The following FSD1L variants were observed in gnomAD, a reference collection of about 807,000 sequenced individuals.
FSD1L encodes FSD1-like protein.
FSD1L carries 45 observed loss-of-function variants against 71.6 expected under a neutral mutation model. That is an observed-to-expected ratio of 0.63 (90% confidence interval 0.49 to 0.81). The LOEUF is 0.81. Among genes scored for constraint, FSD1L ranks in the 30% least tolerant of loss-of-function variants. The pLI, the probability that FSD1L is intolerant of heterozygous loss-of-function variation, is 0.00. For missense variants in FSD1L, 561 were observed against 618.1 expected, an observed-to-expected ratio of 0.91 and a Z score of 0.98; for synonymous variants, 197 against 207.2, an observed-to-expected ratio of 0.95 and a Z score of 0.42.
intron 4 of FSD1L, among the ~76,000 whole-genome samples, chr9:105,470,049 T>A (rs75346802): frequency 0.011 from 1,657 of 152,068 alleles, 35 homozygotes; most frequent in African/African-American, 0.039. Flanking sequence ...TTAGTACCTA[T>A]GTCAGAGATC....
At chr9:105,518,839 C>T (rs1834911754) in intron 10 of FSD1L, among the ~76,000 whole-genome samples, 1 of 151,956 alleles carries the variant, frequency 6.6e-6, no homozygotes, top group South Asian at 2.1e-4. Context: ...GATAGAGACA[C>T]TAAAAACCTT....
At chr9:105,505,815 C>T (rs987459899) in intron 7 of FSD1L, among the ~76,000 whole-genome samples, 12 of 152,292 alleles carry the variant, frequency 7.9e-5, no homozygotes, top group Admixed American at 6.5e-4. Context: ...CCAGTTCAGA[C>T]AAGTCCGTAT....
intron 10 of FSD1L, chr9:105,524,195 T>C: frequency 6.2e-7 from 1 of 1,612,280 alleles, no homozygotes; most frequent in Non-Finnish European, 8.5e-7. Flanking sequence ...ATCCTCAAAT[T>C]AAGGAAGCTC....
At chr9:105,461,754 C>T in intron 2 of FSD1L, 139 bp downstream of exon 2, 1 of 572,432 alleles carries the variant, frequency 1.7e-6, no homozygotes. Flanking sequence ...GGGATCATGC[C>T]TGTAATCCCA....
At chr9:105,538,262 G>A (rs1836389342) in intron 12 of FSD1L, among the ~76,000 whole-genome samples, 1 of 152,114 alleles carries the variant, frequency 6.6e-6, no homozygotes, top group Non-Finnish European at 1.5e-5. Context: ...CCGTTATGCT[G>A]TTTACCAACT....
At chr9:105,523,891 A>G in intron 10 of FSD1L, 2 of 1,591,942 alleles carry the variant, frequency 1.3e-6, no homozygotes, top group Non-Finnish European at 1.7e-6. Context: ...CTTATTATGG[A>G]TTTTATTGTA....
At chr9:105,520,315 C>G in intron 10 of FSD1L, 1 of 1,416,450 alleles carries the variant, frequency 7.1e-7, no homozygotes, top group Non-Finnish European at 9.8e-7. Flanking sequence ...GAGCTGTCTT[C>G]CTGATGCGTA....
chr9:105,464,192 T>G, intron 2 of FSD1L, 44 bp from the exon 3 acceptor site: 1 of 987,688 alleles, frequency 1.0e-6, no homozygotes, highest in Non-Finnish European at 1.5e-6. Flanking sequence ...GTTTTGTAAC[T>G]CTTCCATTGA....
At chr9:105,532,126 T>C (rs1835932027) in intron 10 of FSD1L, among the ~76,000 whole-genome samples, 1 of 152,314 alleles carries the variant, frequency 6.6e-6, no homozygotes, top group African/African-American at 2.4e-5. Flanking sequence ...TTAAACACCA[T>C]TGATTTCAAG....
chr9:105,499,829 G>A (rs1273049316), intron 7 of FSD1L, among the ~76,000 whole-genome samples: 3 of 151,504 alleles, frequency 2.0e-5, no homozygotes, highest in Admixed American at 6.6e-5. Context: ...TACTCCTTTC[G>A]TACTTCCACA....
chr9:105,520,136 C>A (rs1303105146), intron 10 of FSD1L: 1 of 1,603,108 alleles, frequency 6.2e-7, no homozygotes, highest in Admixed American at 1.7e-5. Flanking sequence ...GGATGTTCTC[C>A]AAGAAGCCGC....
rs143706803 is a variant in FSD1L, at chr9:105,529,418, A to G, written c.1026-5075A>G. Among the ~76,000 whole-genome samples the G allele has an allele frequency of 3.5e-3, 530 of 152,330 alleles. 5 individuals carry two copies. The highest frequency in any genetic ancestry group is 0.012 in the African/African-American group (498 of 41,566). On this transcript the variant is annotated intron_variant, in intron 10 of 13. Coordinates refer to ENST00000481272, the MANE Select transcript of FSD1L (RefSeq NM_001145313.3). The stretch of plus-strand genomic sequence containing the variant: ...ACTGGATAAAGAAAATGTGGCACAT[A>G]TACACCATGGAATACTACACAGCCA...
intron 6 of FSD1L, among the ~76,000 whole-genome samples, chr9:105,480,739 G>T (rs1832119566): frequency 6.6e-6 from 1 of 152,158 alleles, no homozygotes; most frequent in Non-Finnish European, 1.5e-5. Flanking sequence ...ATGCTAGATA[G>T]GTCAGTTTTG....
At position 105,534,531 on chromosome 9, in the gene FSD1L, C is replaced by G. The variant is rs771837196; in HGVS notation, c.1064C>G (p.Ser355Cys). Residue 355 changes from serine to cysteine, a missense_variant, in exon 11 of 14, where the codon TCC becomes TGC. Physicochemically the swap from Ser to Cys is moderately radical, Grantham distance 112. Coordinates refer to ENST00000481272, the MANE Select transcript of FSD1L (RefSeq NM_001145313.3). ...TCCCCAAAACGAACATCTGTAGGCTCCAGGCCACCAGCAGTAAGAGGCAGT... is the reference window on the plus strand; with the variant it reads ...TCCCCAAAACGAACATCTGTAGGCTGCAGGCCACCAGCAGTAAGAGGCAGT... ...TPSPKRTSVGSRPPAVRGSRD... is the reference protein window; with the variant it reads ...TPSPKRTSVGCRPPAVRGSRD... 1.3e-6 allele frequency: 2 copies of G among 1,550,936 alleles called. No homozygotes were observed. Among genetic ancestry groups the G allele is most frequent in the South Asian group, 1.2e-5 (1 of 83,996 alleles).
chr9:105,476,856 T>C (rs1831838224), intron 5 of FSD1L, among the ~76,000 whole-genome samples: 1 of 152,218 alleles, frequency 6.6e-6, no homozygotes, highest in African/African-American at 2.4e-5. Flanking sequence ...AAACTCTGCC[T>C]TCTAATCATT....
At chr9:105,484,728 C>T (rs1196927857) in intron 7 of FSD1L, among the ~76,000 whole-genome samples, 2 of 151,836 alleles carry the variant, frequency 1.3e-5, no homozygotes, top group African/African-American at 4.8e-5. Context: ...TTATTGTTAG[C>T]TTGGCAGAGG....
At chr9:105,494,915 G>A (rs1314027338) in intron 7 of FSD1L, among the ~76,000 whole-genome samples, 4 of 152,172 alleles carry the variant, frequency 2.6e-5, no homozygotes, top group Non-Finnish European at 5.9e-5. Flanking sequence ...CCCCTATGGA[G>A]GGGGTGCCTC....
At chr9:105,524,395 A>T in intron 10 of FSD1L, 2 of 1,613,930 alleles carry the variant, frequency 1.2e-6, no homozygotes, top group Non-Finnish European at 1.7e-6. Context: ...GCTTCATCTT[A>T]TGAAATGGAC....
rs1219850408 is a variant in FSD1L, at chr9:105,537,105, G to A, written c.1378+1787G>A. 2.6e-5 allele frequency among the ~76,000 whole-genome samples: 4 copies of A among 152,166 alleles called. No homozygotes were observed. The East Asian group carries it at 7.7e-4, about 29-fold the overall frequency. On this transcript the variant is annotated intron_variant, in intron 12 of 13. Transcript: ENST00000481272. The stretch of plus-strand genomic sequence containing the variant: ...TTTTGAAAAAATTTTAAAGCTCATT[G>A]AATTAGTTATTTCATAAGCATATTC...
Sources: allele counts gnomAD v4.1 joint callset (sites outside exome capture counted in the v4.1 genomes callset), GRCh38; gene constraint gnomAD v4.1.1; transcripts MANE v1.5; gene names NCBI Gene and HGNC (gene_info 2026-07-23, HGNC 2026-07-21).